Variants in PPP1R37 observed in about 807,000 individuals in gnomAD.
The protein encoded by PPP1R37 is protein phosphatase 1 regulatory subunit 37.
In PPP1R37, 21 loss-of-function variants were observed where a neutral mutation model predicts 61.0. The observed-to-expected ratio is 0.34, with a 90% CI of 0.24 to 0.50. The LOEUF (loss-of-function observed/expected upper bound fraction) is 0.50. PPP1R37 is among the 20% of genes least tolerant of loss of function. PPP1R37 has a pLI of 0.98. For synonymous variants in PPP1R37, 443 were observed against 433.5 expected, an observed-to-expected ratio of 1.02 and a Z score of -0.27; for missense variants, 910 against 952.7, an observed-to-expected ratio of 0.96 and a Z score of 0.59.
rs1968457848 is a variant in PPP1R37, at chr19:45,130,172, G to A, written c.203-8342G>A. Among the ~76,000 whole-genome samples the A allele has an allele frequency of 6.6e-6, 1 of 152,132 alleles. No individual in the cohort carries two copies. The highest frequency in any genetic ancestry group is 6.5e-5 in the Admixed American group (1 of 15,280). ...CTCAGCTGCCAAAACCCAGGGACAG[G>A]TGAGGCTGTCACCATCCAAGATGGC... is the stretch of plus-strand genomic sequence containing the variant. On this transcript the variant is annotated intron_variant, in intron 1 of 12. Transcript: ENST00000221462. The surrounding 1 kb of genome is among the most constrained non-coding windows in gnomAD (Gnocchi z 4.4).
intron 1 of PPP1R37, among the ~76,000 whole-genome samples, chr19:45,115,588 G>A (rs560856145): frequency 6.6e-6 from 1 of 151,602 alleles, no homozygotes; most frequent in Admixed American, 6.6e-5. Context: ...TTTGAAATGG[G>A]GATAATAAAC....
intron 1 of PPP1R37, among the ~76,000 whole-genome samples, chr19:45,105,450 C>T (rs1968117950): frequency 6.6e-6 from 1 of 152,080 alleles, no homozygotes; most frequent in Non-Finnish European, 1.5e-5. Context: ...ATGTAGGACA[C>T]CGCACCATTT....
intron 1 of PPP1R37, among the ~76,000 whole-genome samples, chr19:45,138,148 T>G (rs1323046894): frequency 1.3e-5 from 2 of 151,136 alleles, no homozygotes; most frequent in African/African-American, 4.9e-5. Flanking sequence ...ACCGAGACAG[T>G]GTTGGAGACA....
At chr19:45,113,257 A>G (rs1039182807) in intron 1 of PPP1R37, among the ~76,000 whole-genome samples, 1 of 152,252 alleles carries the variant, frequency 6.6e-6, no homozygotes, top group South Asian at 2.1e-4. Context: ...CAGCCTTCTC[A>G]TGCAGTGCCA....
rs1006082181 is a variant in PPP1R37, at chr19:45,146,707, C to T, written c.*145C>T. On this transcript the variant is annotated 3_prime_UTR_variant, in exon 13 of 13. Transcript: ENST00000221462. ...GGGCCCCCCTCCCCCCACAGCAACACTACAAGGGGTGCAGGAGCTACAGGG... is the reference window on the plus strand; with the variant it reads ...GGGCCCCCCTCCCCCCACAGCAACATTACAAGGGGTGCAGGAGCTACAGGG... 5 of 513,944 alleles carry T rather than the reference C, an allele frequency of 9.7e-6. No individual in the cohort carries two copies. The highest frequency in any genetic ancestry group is 1.8e-5 in the Non-Finnish European group (5 of 281,672). The allele number at this position is 513,944 out of a possible 1,614,324, so 31.8% of individuals were successfully genotyped here.
intron 1 of PPP1R37, among the ~76,000 whole-genome samples, chr19:45,105,091 G>T (rs539972823): frequency 6.6e-6 from 1 of 152,216 alleles, no homozygotes; most frequent in South Asian, 2.1e-4. Flanking sequence ...GTGGCACTGG[G>T]CCTGGCTCTG....
chr19:45,145,755 A>G lies in PPP1R37; in HGVS notation c.1699A>G (p.Lys567Glu). The G allele has an allele frequency of 1.3e-6, 2 of 1,525,874 alleles. No homozygotes were observed. Among genetic ancestry groups the G allele is most frequent in the Non-Finnish European group, 8.8e-7 (1 of 1,142,298 alleles). The allele number at this position is 1,525,874 out of a possible 1,614,324, so 94.5% of individuals were successfully genotyped here. A position where few individuals can be genotyped will look rare whatever the true frequency, so the allele number is the denominator to read the frequency against. ...ISVSSPGRGHKVFVVTRVESP... is the reference protein window; with the variant it reads ...ISVSSPGRGHEVFVVTRVESP... ...CGTGTCCAGCCCGGGCCGGGGCCAC[A>G]AGGTGTTTGTGGTGACCCGGGTGGA... is the stretch of plus-strand genomic sequence containing the variant. The change falls in exon 11 of 13, where the codon AAG becomes GAG. Residue 567 changes from lysine (K) to glutamate (E), a missense_variant. Physicochemically the swap from Lys to Glu is moderately conservative, Grantham distance 56. This residue lies in a region of PPP1R37 where 549 missense variants were observed against 505.1 expected (regional missense o/e 1.09). Coordinates refer to ENST00000221462, the MANE Select transcript of PPP1R37 (RefSeq NM_019121.2).
intron 1 of PPP1R37, among the ~76,000 whole-genome samples, chr19:45,126,003 C>G (rs554241223): frequency 2.0e-5 from 3 of 152,236 alleles, no homozygotes; most frequent in African/African-American, 7.2e-5. Flanking sequence ...GTGCCCCAGG[C>G]TCCTTCCCGA....
In PPP1R37 at chr19:45,145,903, G is replaced by T. The variant is rs1169534773; in HGVS notation, c.1847G>T (p.Gly616Val). Residue 616 changes from glycine to valine, a missense_variant, in exon 11 of 13, where the codon GGG (glycine) becomes GTG (valine). Coordinates refer to ENST00000221462, the MANE Select transcript of PPP1R37 (RefSeq NM_019121.2). ...PAGAIDTRDT[G>V]SSEPQPPPEP... The stretch of plus-strand genomic sequence containing the variant: ...GGGGCCATTGACACCCGGGACACAG[G>T]GTCCTCTGAGCCTCAGCCACCACCG... The T allele has an allele frequency of 3.3e-6, 5 of 1,530,906 alleles. No individual in the cohort carries two copies. The highest frequency in any genetic ancestry group is 4.4e-6 in the Non-Finnish European group (5 of 1,144,686). The allele number at this position is 1,530,906 out of a possible 1,614,324, so 94.8% of individuals were successfully genotyped here.
At position 45,146,023 on chromosome 19, in the gene PPP1R37, AG is replaced by A. The variant is rs1205306229; in HGVS notation, c.1973del (p.Gly658AlafsTer9). The part of the protein sequence containing the change: ...PPEPPPGPEV[K>X]GGSCGLEHEL... ...GAGCCGCCCCCGGGGCCTGAGGTCA[AG>A]GGGGGCAGCTGCGGCCTGGAGCACG... On this transcript the variant is annotated frameshift_variant, in exon 11 of 13. Transcript: ENST00000221462. LOFTEE classifies it high-confidence loss of function. 2.0e-6 allele frequency: 3 copies of A among 1,531,552 alleles called. No homozygotes were observed. Among genetic ancestry groups the A allele is most frequent in the African/African-American group, 1.4e-5 (1 of 72,868 alleles). 94.9% of individuals were successfully genotyped at this position (1,531,552 alleles called of 1,614,324 possible).
At chr19:45,116,235 C>T (rs563340837) in intron 1 of PPP1R37, among the ~76,000 whole-genome samples, 45 of 152,344 alleles carry the variant, frequency 3.0e-4, no homozygotes, top group Non-Finnish European at 5.9e-4. Flanking sequence ...TCTTCAGCTG[C>T]GGCAGGCAGT....
chr19:45,120,730 C>T (rs1279515796), intron 1 of PPP1R37, among the ~76,000 whole-genome samples: 2 of 152,106 alleles, frequency 1.3e-5, no homozygotes, highest in African/African-American at 4.8e-5. Flanking sequence ...TCAAGCGATT[C>T]TCCTCCCAAG....
chr19:45,120,014 C>CTTTTTTTTTTTTTTTTTTTTTTTTT lies in PPP1R37; in HGVS notation c.203-18479_203-18478insTTTTTTTTTTTTTTTTTTTTTTTTT, dbSNP rs11312138. 8.4e-4 allele frequency among the ~76,000 whole-genome samples: 70 copies of CTTTTTTTTTTTTTTTTTTTTTTTTT among 83,564 alleles called. 5 individuals carry two copies. Among genetic ancestry groups the CTTTTTTTTTTTTTTTTTTTTTTTTT allele is most frequent in the Non-Finnish European group, 1.3e-3 (56 of 41,774 alleles). 54.8% of individuals were successfully genotyped at this position (83,564 alleles called of 152,430 possible). A position where few individuals can be genotyped will look rare whatever the true frequency, so the allele number is the denominator to read the frequency against. On this transcript the variant is annotated intron_variant, in intron 1 of 12. Coordinates refer to ENST00000221462, the MANE Select transcript of PPP1R37 (RefSeq NM_019121.2). ...AGCACAGATTTTTTATTTTCCCCTT[C>CTTTTTTTTTTTTTTTTTTTTTTTTT]TTTTTTTTTTTTTTTTTTTTTGAGA... is the stretch of plus-strand genomic sequence containing the variant.
At chr19:45,096,734 A>G (rs1306373693) in intron 1 of PPP1R37, among the ~76,000 whole-genome samples, 1 of 152,000 alleles carries the variant, frequency 6.6e-6, no homozygotes, top group African/African-American at 2.4e-5. Context: ...GGAGTCTCTC[A>G]TTCCAGCGGT....
At chr19:45,128,952 T>C in intron 1 of PPP1R37, 1 of 758,118 alleles carries the variant, frequency 1.3e-6, no homozygotes, top group Non-Finnish European at 2.3e-6. Flanking sequence ...AAAGTACCGC[T>C]GTGGAGAAGG....
chr19:45,142,914 C>T (rs908335898), intron 7 of PPP1R37: 8 of 180,914 alleles, frequency 4.4e-5, no homozygotes, highest in Admixed American at 1.1e-4. Flanking sequence ...GTCCAGACCG[C>T]GGGAGCAGTG....
In PPP1R37 at chr19:45,146,662, C is replaced by T; in HGVS notation, c.*100C>T. ...CCAGCCTTCCTGAGGCCCAGGATGC[C>T]AGGGGTGGGGGCCATTCTGGGGCCC... On this transcript the variant is annotated 3_prime_UTR_variant, in exon 13 of 13. Transcript: ENST00000221462. 5.3e-6 allele frequency: 3 copies of T among 566,454 alleles called. No homozygotes were observed. Among genetic ancestry groups the T allele is most frequent in the Non-Finnish European group, 9.4e-6 (3 of 317,814 alleles). 35.1% of individuals were successfully genotyped at this position (566,454 alleles called of 1,614,324 possible).
At chr19:45,110,883 A>G (rs570989804) in intron 1 of PPP1R37, among the ~76,000 whole-genome samples, 2 of 152,246 alleles carry the variant, frequency 1.3e-5, no homozygotes, top group South Asian at 4.1e-4. Context: ...GCCATCTGGT[A>G]CCCATGACCA....
intron 1 of PPP1R37, among the ~76,000 whole-genome samples, chr19:45,125,425 T>C (rs956131793): frequency 2.0e-5 from 3 of 152,166 alleles, no homozygotes; most frequent in African/African-American, 7.2e-5. Context: ...ATCACACCAC[T>C]GCACTCCAGC....
Sources: gnomAD v4.1 joint callset for allele counts (sites outside exome capture counted in the v4.1 genomes callset) on GRCh38, gnomAD v4.1.1 for gene constraint, gnomAD v4.1.1 regional missense constraint, Gnocchi (gnomAD v3.1) non-coding constraint, MANE v1.5 for transcripts, NCBI Gene and HGNC (gene_info 2026-07-23, HGNC 2026-07-21) for gene names.